Variants in LYN observed in about 807,000 individuals in gnomAD.
LYN encodes LYN proto-oncogene, Src family tyrosine kinase.
A neutral mutation model predicts 65.0 loss-of-function variants in LYN; 12 were observed. The ratio of observed to expected loss-of-function variants is 0.18; its 90% CI spans 0.12 to 0.30. The LOEUF is 0.30. Among genes scored for constraint, LYN ranks in the 10% least tolerant of loss-of-function variants. LYN has a pLI of 1.00. For synonymous variants in LYN, 222 were observed against 221.2 expected (o/e 1.00, Z -0.03); for missense variants, 380 against 623.2 (o/e 0.61, Z 4.16).
chr8:55,912,541 C>T (rs890040559), intron 1 of LYN, among the ~76,000 whole-genome samples: 5 of 152,224 alleles, frequency 3.3e-5, no homozygotes, highest in South Asian at 2.1e-4. Flanking sequence ...GCCTGGCCAA[C>T]GTGGCGAAAC....
At chr8:56,005,721 A>G in intron 12 of LYN, among the ~76,000 whole-genome samples, 1 of 152,206 alleles carries the variant, frequency 6.6e-6, no homozygotes, top group East Asian at 1.9e-4. Flanking sequence ...GAGGAGGCAA[A>G]AGATCTTTAC....
At chr8:55,951,234 GA>G (rs1430859933) in intron 6 of LYN, among the ~76,000 whole-genome samples, 1 of 151,458 alleles carries the variant, frequency 6.6e-6, no homozygotes, top group Non-Finnish European at 1.5e-5. Flanking sequence ...GTGACAGAGT[GA>G]GGCACTGTCT....
chr8:55,908,648 A>G (rs1805498825), intron 1 of LYN, among the ~76,000 whole-genome samples: 1 of 152,094 alleles, frequency 6.6e-6, no homozygotes, highest in African/African-American at 2.4e-5. Context: ...TTACACGGAT[A>G]TATTGCAGAG....
chr8:55,887,741 CT>C (rs1288534811), intron 1 of LYN, among the ~76,000 whole-genome samples: 2 of 151,496 alleles, frequency 1.3e-5, no homozygotes, highest in Non-Finnish European at 2.9e-5. Flanking sequence ...TCCTGAGTAG[CT>C]GGAATTACAG....
At chr8:55,970,051 A>T (rs774019696) in intron 10 of LYN, among the ~76,000 whole-genome samples, 1 of 152,250 alleles carries the variant, frequency 6.6e-6, no homozygotes, top group Non-Finnish European at 1.5e-5. Flanking sequence ...TTCATTTCAT[A>T]AGTCATAGAA....
chr8:55,960,441 T>C (rs1347261776), intron 8 of LYN, among the ~76,000 whole-genome samples: 2 of 152,162 alleles, frequency 1.3e-5, no homozygotes, highest in African/African-American at 2.4e-5. Flanking sequence ...ATCTTTTGCT[T>C]GTAGGGACTG....
chr8:55,966,167 T>C (rs1308599004), intron 8 of LYN, among the ~76,000 whole-genome samples: 1 of 152,122 alleles, frequency 6.6e-6, no homozygotes, highest in East Asian at 1.9e-4. Flanking sequence ...AGAGTGCCAA[T>C]AAAAACGTTT....
At chr8:55,887,573 T>TACAC (rs1173683572) in intron 1 of LYN, among the ~76,000 whole-genome samples, 922 of 42,544 alleles carry the variant, frequency 0.022, 6 homozygotes, top group Non-Finnish European at 0.028. Flanking sequence ...TATATATATA[T>TACAC]ATACACACAC....
chr8:55,975,802 CT>C (rs1285970295), intron 10 of LYN, among the ~76,000 whole-genome samples: 164 of 16,732 alleles, frequency 9.8e-3, no homozygotes, highest in Admixed American at 0.018. Context: ...AACAGGAACT[CT>C]TTTTTTTTTT....
intron 1 of LYN, among the ~76,000 whole-genome samples, chr8:55,882,320 G>C (rs944865999): frequency 6.6e-6 from 1 of 152,168 alleles, no homozygotes; most frequent in African/African-American, 2.4e-5. Flanking sequence ...AAGTGGTCCA[G>C]CACTGTTCAA....
At chr8:55,955,645 C>T (rs745504456) in intron 8 of LYN, among the ~76,000 whole-genome samples, 7 of 152,168 alleles carry the variant, frequency 4.6e-5, no homozygotes, top group East Asian at 1.9e-4. Flanking sequence ...TTTATCATCC[C>T]GAAAGGAAAC....
At chr8:55,913,478 C>T (rs1266103704) in intron 1 of LYN, among the ~76,000 whole-genome samples, 2 of 152,154 alleles carry the variant, frequency 1.3e-5, no homozygotes, top group African/African-American at 2.4e-5. Context: ...AAAACACCAA[C>T]TTGAATAAAA....
intron 1 of LYN, among the ~76,000 whole-genome samples, chr8:55,914,123 T>C (rs1319823619): frequency 6.6e-6 from 1 of 151,676 alleles, no homozygotes; most frequent in African/African-American, 2.4e-5. Flanking sequence ...TGTGCACGTA[T>C]GACAGAGAGA....
chr8:55,938,032 C>A (rs1806490933), intron 1 of LYN, among the ~76,000 whole-genome samples: 1 of 152,118 alleles, frequency 6.6e-6, no homozygotes, highest in Admixed American at 6.6e-5. Context: ...AAAAAATTAT[C>A]CCAGAGTCTG....
rs563903023 is a variant in LYN, at chr8:56,010,141, G to T, written c.*31G>T. Reference sequence around the variant, plus strand: ...AGGGAGACCCGTCCATTTGGCAGGGGTGGCTGCCTCATTTAGAGAGGAAAA... The same window carrying T: ...AGGGAGACCCGTCCATTTGGCAGGGTTGGCTGCCTCATTTAGAGAGGAAAA... On this transcript the variant is annotated 3_prime_UTR_variant, in exon 13 of 13. Coordinates refer to ENST00000519728, the MANE Select transcript of LYN (RefSeq NM_002350.4). 2.2e-5 allele frequency: 35 copies of T among 1,604,796 alleles called. No individual in the cohort carries two copies. In the South Asian group the frequency reaches 3.9e-4, roughly 18 times the overall value.
At chr8:55,979,788 C>T (rs865867994) in intron 10 of LYN, among the ~76,000 whole-genome samples, 14 of 152,170 alleles carry the variant, frequency 9.2e-5, no homozygotes, top group Non-Finnish European at 2.9e-5. Flanking sequence ...TAAGGCAGCT[C>T]CTCTCTGCCA....
At chr8:55,938,397 TC>T (rs1420711948) in intron 1 of LYN, among the ~76,000 whole-genome samples, 5 of 152,368 alleles carry the variant, frequency 3.3e-5, no homozygotes, top group Middle Eastern at 6.8e-3. Flanking sequence ...GCTGACTACA[TC>T]ATCCACAGCA....
At chr8:55,992,349 A>C (rs933841015) in intron 10 of LYN, among the ~76,000 whole-genome samples, 1 of 152,208 alleles carries the variant, frequency 6.6e-6, no homozygotes, top group African/African-American at 2.4e-5. Flanking sequence ...CCTCCAAGCC[A>C]TGAGGCCCAC....
chr8:56,009,830 G>C (rs1389463992), intron 12 of LYN, 78 bp from the exon 13 acceptor site: 7 of 1,146,994 alleles, frequency 6.1e-6, no homozygotes, highest in Non-Finnish European at 9.0e-6. Flanking sequence ...GGAGCAAAAA[G>C]ACCACTGCAG....
Sources: gnomAD v4.1 joint callset for allele counts (sites outside exome capture counted in the v4.1 genomes callset) on GRCh38, gnomAD v4.1.1 for gene constraint, MANE v1.5 for transcripts, NCBI Gene and HGNC (gene_info 2026-07-23, HGNC 2026-07-21) for gene names.